Variants in GRIK3 observed in about 807,000 individuals in gnomAD.
The protein encoded by GRIK3 is glutamate receptor ionotropic, kainate 3.
Under a neutral mutation model 102.5 loss-of-function variants are expected in GRIK3, and 29 were observed. The observed-to-expected ratio is 0.28, with a 90% CI of 0.21 to 0.39. The LOEUF (loss-of-function observed/expected upper bound fraction) is 0.39. GRIK3 is among the 10% of genes least tolerant of loss of function. The pLI is 1.00. For missense variants in GRIK3, 908 were observed against 1,252.4 expected (o/e 0.73, Z 4.15); for synonymous variants, 511 against 504.9 (o/e 1.01, Z -0.16).
intron 7 of GRIK3, among the ~76,000 whole-genome samples, chr1:36,858,075 T>G (rs1381467751): frequency 6.6e-6 from 1 of 152,146 alleles, no homozygotes; most frequent in Non-Finnish European, 1.5e-5. Context: ...CTATCCCGAG[T>G]CCTTCTAGAG....
At chr1:36,987,929 T>A (rs779877788) in intron 1 of GRIK3, among the ~76,000 whole-genome samples, 2 of 152,146 alleles carry the variant, frequency 1.3e-5, no homozygotes, top group Non-Finnish European at 2.9e-5. Context: ...GTGCCTGCTT[T>A]AATAGAACTC....
intron 13 of GRIK3, among the ~76,000 whole-genome samples, chr1:36,809,677 T>G (rs781629209): frequency 2.0e-5 from 3 of 152,204 alleles, no homozygotes; most frequent in African/African-American, 4.8e-5. Context: ...CCAAACCATA[T>G]GCTCTTTCCA....
intron 9 of GRIK3, among the ~76,000 whole-genome samples, chr1:36,848,316 T>C (rs1640542473): frequency 6.6e-6 from 1 of 152,262 alleles, no homozygotes; most frequent in African/African-American, 2.4e-5. Flanking sequence ...TTAGCTCATT[T>C]AATCATCTCT....
At chr1:36,870,511 G>A (rs190070572) in intron 4 of GRIK3, among the ~76,000 whole-genome samples, 125 of 152,364 alleles carry the variant, frequency 8.2e-4, no homozygotes, top group Non-Finnish European at 1.0e-3. Context: ...TGGGGAAAAT[G>A]TCACCGGTTC....
chr1:37,015,591 C>G (rs1642645128), intron 1 of GRIK3, among the ~76,000 whole-genome samples: 1 of 152,168 alleles, frequency 6.6e-6, no homozygotes, highest in Admixed American at 6.5e-5. Flanking sequence ...ACTCTTGACA[C>G]CAAAGAGCCC....
chr1:36,968,821 G>A (rs1642107586), intron 1 of GRIK3, among the ~76,000 whole-genome samples: 1 of 152,190 alleles, frequency 6.6e-6, no homozygotes, highest in Admixed American at 6.5e-5. Flanking sequence ...GTGCCTGTCG[G>A]GACAGCACTG....
rs1277838021 is a variant in GRIK3, at chr1:36,817,214, G to A, written c.1937C>T (p.Thr646Met). The A allele has an allele frequency of 5.0e-6, 8 of 1,613,858 alleles. No homozygotes were observed. The highest frequency in any genetic ancestry group is 1.1e-5 in the South Asian group (1 of 91,074). ...RIIGGIWWFF[T>M]LIIISSYTAN... ...CGTGTAGGAAGAGATGATGATGAGCGTGAAGAACCACCAGATGCCACCAAT... is the reference window on the plus strand; with the variant it reads ...CGTGTAGGAAGAGATGATGATGAGCATGAAGAACCACCAGATGCCACCAAT... Residue 646 changes from threonine to methionine, a missense_variant, in exon 13 of 16, where the codon ACG becomes ATG. Physicochemically the swap from Thr to Met is moderately conservative, Grantham distance 81. Around this residue, in one of 3 missense-constraint regions of GRIK3, gnomAD observed 26 missense variants for 64.8 expected, o/e 0.40. Coordinates refer to ENST00000373091, the MANE Select transcript of GRIK3 (RefSeq NM_000831.4).
intron 1 of GRIK3, among the ~76,000 whole-genome samples, chr1:36,964,958 C>T (rs1642064025): frequency 6.6e-6 from 1 of 152,194 alleles, no homozygotes; most frequent in Non-Finnish European, 1.5e-5. Context: ...GCTGTTAATT[C>T]CCCCAATTAT....
At chr1:37,015,017 A>G (rs1295914257) in intron 1 of GRIK3, among the ~76,000 whole-genome samples, 1 of 151,574 alleles carries the variant, frequency 6.6e-6, no homozygotes, top group Non-Finnish European at 1.5e-5. Flanking sequence ...TCATCTCTCA[A>G]TAAGAATTCC....
Position 36,823,472 on chromosome 1 carries a change from C to CAAAAAAAAAAA in GRIK3, c.1754+2120_1754+2130dup, listed in dbSNP as rs71053954. On this transcript the variant is annotated intron_variant, in intron 11 of 15. Transcript: ENST00000373091. ...TGGGTGACAGAGTGAGACTCCGTCT[C>CAAAAAAAAAAA]AAAAAAAAAAAAAAAAAAAAAAAAA... 1.3e-4 allele frequency among the ~76,000 whole-genome samples: 5 copies of CAAAAAAAAAAA among 38,098 alleles called. No individual in the cohort carries two copies. In the East Asian group the frequency reaches 3.6e-3, roughly 28 times the overall value. 25.0% of individuals were successfully genotyped at this position (38,098 alleles called of 152,430 possible). A position where few individuals can be genotyped will look rare whatever the true frequency, so the allele number is the denominator to read the frequency against.
At chr1:36,859,339 A>C (rs1640692893) in intron 6 of GRIK3, 88 bp from the exon 7 acceptor site, 1 of 1,387,430 alleles carries the variant, frequency 7.2e-7, no homozygotes, top group East Asian at 2.3e-5. Flanking sequence ...CTCCCTTGCC[A>C]CAGGTACATG....
At chr1:36,963,182 T>C (rs1291300978) in intron 1 of GRIK3, among the ~76,000 whole-genome samples, 2 of 152,146 alleles carry the variant, frequency 1.3e-5, no homozygotes, top group Admixed American at 6.5e-5. Flanking sequence ...CCACAGGAGC[T>C]AATCCTTGGT....
chr1:36,939,601 G>T (rs1219708832), intron 1 of GRIK3, among the ~76,000 whole-genome samples: 1 of 152,210 alleles, frequency 6.6e-6, no homozygotes, highest in Non-Finnish European at 1.5e-5. Flanking sequence ...TGTATTACAA[G>T]GATAATGCTT....
At chr1:37,030,246 G>A (rs898989364) in intron 1 of GRIK3, among the ~76,000 whole-genome samples, 6 of 152,298 alleles carry the variant, frequency 3.9e-5, no homozygotes, top group South Asian at 2.1e-4. Context: ...ACAAGGCAGC[G>A]ATGTTTCAGC....
chr1:36,796,796 G>C lies in GRIK3; in HGVS notation c.*5055C>G, dbSNP rs1321919175. On this transcript the variant is annotated 3_prime_UTR_variant, in exon 16 of 16. Transcript: ENST00000373091. ...CCCGCCTTCTAGGGTATCCTAGATG[G>C]AGCCTGAAACCTACCTGTGATTCTG... is the stretch of plus-strand genomic sequence containing the variant. The C allele has an allele frequency of 2.0e-5, 3 of 152,208 alleles. No homozygotes were observed. The highest frequency in any genetic ancestry group is 2.9e-5 in the Non-Finnish European group (2 of 68,036). 9.4% of individuals were successfully genotyped at this position (152,208 alleles called of 1,614,324 possible).
At position 36,850,239 on chromosome 1, in the gene GRIK3, G is replaced by T; in HGVS notation, c.1326+72C>A. The T allele has an allele frequency of 1.1e-6, 1 of 902,412 alleles. No individual in the cohort carries two copies. 55.9% of individuals were successfully genotyped at this position (902,412 alleles called of 1,614,324 possible). A position where few individuals can be genotyped will look rare whatever the true frequency, so the allele number is the denominator to read the frequency against. On this transcript the variant is annotated intron_variant, in intron 9 of 15. Coordinates refer to ENST00000373091, the MANE Select transcript of GRIK3 (RefSeq NM_000831.4). The surrounding 1 kb of genome is among the most constrained non-coding windows in gnomAD (Gnocchi z 4.0). ...TCTTCTGGGTGGGGGGGATAGAGGG[G>T]ACTCTCCAGCCCGAACGGCCACCCC...
intron 1 of GRIK3, among the ~76,000 whole-genome samples, chr1:37,013,775 G>A (rs139740348): frequency 6.6e-6 from 1 of 152,358 alleles, no homozygotes; most frequent in East Asian, 1.9e-4. Context: ...GAGCCCTGAA[G>A]CCTGAAAGGG....
intron 12 of GRIK3, among the ~76,000 whole-genome samples, chr1:36,817,509 A>C (rs544668402): frequency 6.6e-6 from 1 of 152,330 alleles, no homozygotes; most frequent in East Asian, 1.9e-4. Flanking sequence ...GTAATTTCTG[A>C]GGGTGGGAAC....
intron 1 of GRIK3, among the ~76,000 whole-genome samples, chr1:36,912,654 A>G (rs141582786): frequency 4.6e-5 from 7 of 151,928 alleles, no homozygotes; most frequent in African/African-American, 1.7e-4. Context: ...ATCCTCACAC[A>G]TGGTGGGGGG....
Sources: gnomAD v4.1 joint callset for allele counts (sites outside exome capture counted in the v4.1 genomes callset) on GRCh38, gnomAD v4.1.1 for gene constraint, gnomAD v4.1.1 regional missense constraint, Gnocchi (gnomAD v3.1) non-coding constraint, MANE v1.5 for transcripts, NCBI Gene and HGNC (gene_info 2026-07-23, HGNC 2026-07-21) for gene names.